The following CDH10 variants were observed in gnomAD, a reference collection of about 807,000 sequenced individuals.
The protein encoded by CDH10 is cadherin 10, also known as cadherin-10.
In CDH10, 30 loss-of-function variants were observed where a neutral mutation model predicts 73.1. The ratio of observed to expected loss-of-function variants is 0.41; its 90% CI spans 0.31 to 0.56. The LOEUF is 0.56. CDH10 is among the 20% of genes least tolerant of loss of function. The pLI, the probability that CDH10 is intolerant of heterozygous loss-of-function variation, is 0.27. For synonymous variants in CDH10, 345 were observed against 348.2 expected (o/e 0.99, Z 0.10); for missense variants, 815 against 973.7 (o/e 0.84, Z 2.17).
intron 5 of CDH10, among the ~76,000 whole-genome samples, chr5:24,533,011 G>A (rs1465937846): frequency 1.3e-5 from 2 of 152,004 alleles, no homozygotes; most frequent in East Asian, 1.9e-4. Context: ...TCATGAATGT[G>A]TGTTCCCAAA....
At chr5:24,491,550 C>G (rs762147769) in intron 11 of CDH10, 26 bp downstream of exon 11, 76 of 1,583,320 alleles carry the variant, frequency 4.8e-5, no homozygotes, top group Non-Finnish European at 6.4e-5. Context: ...CTAGAAAATG[C>G]TCCCATTGTT....
chr5:24,587,855 A>C (rs1579848620), intron 2 of CDH10, among the ~76,000 whole-genome samples: 1 of 152,192 alleles, frequency 6.6e-6, no homozygotes, highest in Non-Finnish European at 1.5e-5. Context: ...AAAATGATAT[A>C]GTGAGATTTG....
At chr5:24,520,487 C>T (rs1387518495) in intron 5 of CDH10, among the ~76,000 whole-genome samples, 1 of 152,098 alleles carries the variant, frequency 6.6e-6, no homozygotes, top group Non-Finnish European at 1.5e-5. Context: ...TAGTTACATA[C>T]ACATACACCT....
intron 2 of CDH10, among the ~76,000 whole-genome samples, chr5:24,571,863 T>C (rs1258755736): frequency 1.3e-5 from 2 of 151,976 alleles, no homozygotes; most frequent in East Asian, 3.9e-4. Flanking sequence ...CAGCTGGGCA[T>C]GTAAAAATCC....
At chr5:24,503,574 A>G (rs1742576699) in intron 8 of CDH10, among the ~76,000 whole-genome samples, 1 of 152,212 alleles carries the variant, frequency 6.6e-6, no homozygotes, top group African/African-American at 2.4e-5. Context: ...TATGGGCAAG[A>G]ACTTTCATTA....
chr5:24,608,816 C>T (rs1386388624), intron 1 of CDH10, among the ~76,000 whole-genome samples: 2 of 152,078 alleles, frequency 1.3e-5, no homozygotes, highest in Admixed American at 6.6e-5. Flanking sequence ...GCTTAAATTT[C>T]GTCAGGGTGA....
intron 5 of CDH10, among the ~76,000 whole-genome samples, chr5:24,524,312 C>G (rs1743447002): frequency 6.6e-6 from 1 of 152,044 alleles, no homozygotes; most frequent in Non-Finnish European, 1.5e-5. Flanking sequence ...CCTACTTTGT[C>G]AAGCAAACTG....
chr5:24,587,057 A>G (rs975447832), intron 2 of CDH10, among the ~76,000 whole-genome samples: 6 of 149,310 alleles, frequency 4.0e-5, no homozygotes, highest in East Asian at 4.1e-4. Flanking sequence ...TGTTAGCCAG[A>G]ATGGTCTCGA....
intron 5 of CDH10, among the ~76,000 whole-genome samples, chr5:24,528,255 A>G (rs1463483642): frequency 6.6e-6 from 1 of 151,822 alleles, no homozygotes; most frequent in Non-Finnish European, 1.5e-5. Context: ...AAAAAGAGAC[A>G]TTTTTAATTT....
chr5:24,616,193 C>T (rs1225941519), intron 1 of CDH10, among the ~76,000 whole-genome samples: 2 of 150,860 alleles, frequency 1.3e-5, no homozygotes, highest in Non-Finnish European at 2.9e-5. Context: ...CCTTGGCAAA[C>T]AAAGTAAACT....
At chr5:24,521,421 G>T (rs1271294597) in intron 5 of CDH10, among the ~76,000 whole-genome samples, 1 of 152,074 alleles carries the variant, frequency 6.6e-6, no homozygotes, top group Middle Eastern at 3.2e-3. Context: ...GTGCATGCTT[G>T]CATGCCTGAC....
chr5:24,556,515 T>A (rs998812236), intron 2 of CDH10, among the ~76,000 whole-genome samples: 35 of 152,000 alleles, frequency 2.3e-4, no homozygotes, highest in African/African-American at 7.5e-4. Context: ...AAACATTTTT[T>A]ACCAGTTATT....
chr5:24,492,532 A>G (rs1054272367), intron 10 of CDH10, among the ~76,000 whole-genome samples: 3 of 152,176 alleles, frequency 2.0e-5, no homozygotes, highest in Non-Finnish European at 4.4e-5. Flanking sequence ...TATGTGTCCT[A>G]TATTATTGTT....
intron 2 of CDH10, among the ~76,000 whole-genome samples, chr5:24,575,087 T>C (rs1264025581): frequency 6.6e-6 from 1 of 151,922 alleles, no homozygotes; most frequent in East Asian, 1.9e-4. Flanking sequence ...CCAGCACCAG[T>C]ACCATGGCTC....
intron 1 of CDH10, among the ~76,000 whole-genome samples, chr5:24,632,794 G>A (rs1747748058): frequency 6.6e-6 from 1 of 151,906 alleles, no homozygotes; most frequent in Non-Finnish European, 1.5e-5. Context: ...GTGCCCCAAA[G>A]ATGGGTGATA....
At chr5:24,556,859 T>G (rs1160162364) in intron 2 of CDH10, among the ~76,000 whole-genome samples, 1 of 151,896 alleles carries the variant, frequency 6.6e-6, no homozygotes, top group African/African-American at 2.4e-5. Flanking sequence ...TTCTGTGATA[T>G]TATTACACAT....
chr5:24,634,639 C>T (rs1385545593), intron 1 of CDH10, among the ~76,000 whole-genome samples: 1 of 151,656 alleles, frequency 6.6e-6, no homozygotes, highest in Non-Finnish European at 1.5e-5. Context: ...AAATATATAG[C>T]TATGGCAAAT....
At position 24,488,128 on chromosome 5, in the gene CDH10, C is replaced by G. The variant is rs2111613012; in HGVS notation, c.1902G>C (p.Leu634=). 1 of 1,611,952 alleles carries G rather than the reference C, an allele frequency of 6.2e-7. No individual in the cohort carries two copies. Among genetic ancestry groups the G allele is most frequent in the East Asian group, 2.2e-5 (1 of 44,854 alleles). ...GAGGCTCTTTTTTTCGCTGTCTTTTCAGAGCTGCAAACAGTACTACTATAA... is the reference window on the plus strand; with the variant it reads ...GAGGCTCTTTTTTTCGCTGTCTTTTGAGAGCTGCAAACAGTACTACTATAA... ...LLVIVVLFAA[L]KRQRKKEPLI... Residue 634 remains leucine (L), a synonymous_variant, in exon 12 of 12, where the codon CTG becomes CTC. Transcript: ENST00000264463.
intron 5 of CDH10, among the ~76,000 whole-genome samples, chr5:24,513,354 A>G (rs1290786242): frequency 1.3e-5 from 2 of 151,920 alleles, no homozygotes; most frequent in Admixed American, 1.3e-4. Context: ...CTCACATAAA[A>G]TTCCTTCCCC....
Sources: gnomAD v4.1 joint callset for allele counts (sites outside exome capture counted in the v4.1 genomes callset) on GRCh38, gnomAD v4.1.1 for gene constraint, MANE v1.5 for transcripts, NCBI Gene and HGNC (gene_info 2026-07-23, HGNC 2026-07-21) for gene names.